ITGA8: variants seen among roughly 807,000 people sequenced by gnomAD.
ITGA8 encodes integrin subunit alpha 8, also known as integrin alpha-8.
Under a neutral mutation model 142.3 loss-of-function variants are expected in ITGA8, and 91 were observed. The ratio of observed to expected loss-of-function variants is 0.64; its 90% CI spans 0.54 to 0.76. The LOEUF (loss-of-function observed/expected upper bound fraction) is 0.76. Among genes scored for constraint, ITGA8 ranks in the 30% least tolerant of loss-of-function variants. The pLI is 0.00. For missense variants in ITGA8, 1,406 were observed against 1,327.7 expected, an observed-to-expected ratio of 1.06 and a Z score of -0.92; for synonymous variants, 505 against 485.2, an observed-to-expected ratio of 1.04 and a Z score of -0.54.
intron 23 of ITGA8, among the ~76,000 whole-genome samples, chr10:15,577,281 T>C (rs1326511210): frequency 3.9e-5 from 6 of 152,156 alleles, no homozygotes; most frequent in Non-Finnish European, 7.4e-5. Context: ...TAGAATCATA[T>C]GTATTTGAAT....
In ITGA8 at chr10:15,531,161, A is replaced by G. The variant is rs776592310; in HGVS notation, c.2881-10T>C. The stretch of plus-strand genomic sequence containing the variant: ...AGGGATCATTTTTTCTCTGAAAGTA[A>G]AAGTATTTATTTAAATATATTTCAT... On this transcript the variant is annotated splice_polypyrimidine_tract_variant and intron_variant, in intron 27 of 29. Transcript: ENST00000378076. 2.2e-6 allele frequency: 3 copies of G among 1,359,032 alleles called. No individual in the cohort carries two copies. Among genetic ancestry groups the G allele is most frequent in the East Asian group, 2.5e-5 (1 of 39,584 alleles). 84.2% of individuals were successfully genotyped at this position (1,359,032 alleles called of 1,614,324 possible).
At chr10:15,524,947 G>T (rs976940181) in intron 28 of ITGA8, among the ~76,000 whole-genome samples, 14 of 152,134 alleles carry the variant, frequency 9.2e-5, no homozygotes, top group Admixed American at 2.6e-4. Flanking sequence ...AAATGTTAGA[G>T]TTTCTCATGA....
chr10:15,672,644 G>T lies in ITGA8; in HGVS notation c.782C>A (p.Ser261Tyr). 1 of 1,613,508 alleles carries T rather than the reference G, an allele frequency of 6.2e-7. No homozygotes were observed. The highest frequency in any genetic ancestry group is 2.2e-5 in the East Asian group (1 of 44,836). ...CTTACCAAGGTAACTGTCATCATAG[G>T]AAGCTGGAGCCACTTCCGTCTGCTT... ...GEKQTEVAPA[S>Y]YDDSYLGYSV... The change falls in exon 7 of 30, where the codon TCC (serine) becomes TAC (tyrosine). Residue 261 changes from serine (S) to tyrosine (Y), a missense_variant. Physicochemically the swap from Ser to Tyr is moderately radical, Grantham distance 144 (BLOSUM62 -2). Coordinates refer to ENST00000378076, the MANE Select transcript of ITGA8 (RefSeq NM_003638.3).
At chr10:15,690,176 C>T (rs539705302) in intron 2 of ITGA8, among the ~76,000 whole-genome samples, 1 of 152,144 alleles carries the variant, frequency 6.6e-6, no homozygotes, top group African/African-American at 2.4e-5. Flanking sequence ...AGGCTCCCCA[C>T]CTCCCTGGGG....
At chr10:15,548,649 A>G in intron 26 of ITGA8, 81 bp from the exon 27 acceptor site, 2 of 822,268 alleles carry the variant, frequency 2.4e-6, no homozygotes, top group Admixed American at 2.7e-5. Flanking sequence ...TTTACATTTC[A>G]TTTCCTCAAA....
chr10:15,611,256 G>A (rs528997709), intron 15 of ITGA8, among the ~76,000 whole-genome samples: 2 of 152,232 alleles, frequency 1.3e-5, no homozygotes, highest in African/African-American at 2.4e-5. Flanking sequence ...TTAACTTTCT[G>A]TCTTCTGAGG....
chr10:15,539,643 C>A (rs1198034399), intron 27 of ITGA8, among the ~76,000 whole-genome samples: 1 of 152,058 alleles, frequency 6.6e-6, no homozygotes, highest in Non-Finnish European at 1.5e-5. Flanking sequence ...GGAAAGGCAG[C>A]CTAATTCTTA....
chr10:15,708,020 C>T lies in ITGA8; in HGVS notation c.343+10746G>A, dbSNP rs1021827636. ...CACCATTCTCTGTCCTCTTGACCTT[C>T]GCTTTCTTTTCTTCCACTTGTCGCT... On this transcript the variant is annotated intron_variant, in intron 2 of 29. Transcript: ENST00000378076. Among the ~76,000 whole-genome samples, 9 of 150,998 alleles carry T rather than the reference C, an allele frequency of 6.0e-5. No homozygotes were observed. In the East Asian group the frequency reaches 1.4e-3, roughly 23 times the overall value.
At chr10:15,675,876 C>T (rs896262446) in intron 6 of ITGA8, among the ~76,000 whole-genome samples, 4 of 152,160 alleles carry the variant, frequency 2.6e-5, no homozygotes, top group African/African-American at 9.6e-5. Context: ...ATTTCTATGT[C>T]TCAGACAAAT....
intron 25 of ITGA8, among the ~76,000 whole-genome samples, chr10:15,564,966 CT>C (rs1446022418): frequency 6.6e-6 from 1 of 152,134 alleles, no homozygotes; most frequent in Non-Finnish European, 1.5e-5. Context: ...TTTTAACCTC[CT>C]GAAAAGTTCA....
intron 13 of ITGA8, among the ~76,000 whole-genome samples, chr10:15,637,257 T>C (rs571412750): frequency 6.6e-6 from 1 of 152,320 alleles, no homozygotes; most frequent in South Asian, 2.1e-4. Context: ...ATTCTGTTCA[T>C]GATCAGCAAA....
At chr10:15,517,703 T>C (rs1328578484) in intron 29 of ITGA8, among the ~76,000 whole-genome samples, 1 of 152,146 alleles carries the variant, frequency 6.6e-6, no homozygotes, top group Non-Finnish European at 1.5e-5. Flanking sequence ...TCGAGCAGAG[T>C]GTTTGTTACT....
intron 6 of ITGA8, among the ~76,000 whole-genome samples, chr10:15,675,566 C>T (rs1257749479): frequency 6.6e-6 from 1 of 152,174 alleles, no homozygotes; most frequent in East Asian, 1.9e-4. Flanking sequence ...TAGTTTATAT[C>T]CTTGTAACAA....
chr10:15,664,143 C>T (rs900076473), intron 8 of ITGA8, among the ~76,000 whole-genome samples: 1 of 152,102 alleles, frequency 6.6e-6, no homozygotes, highest in Non-Finnish European at 1.5e-5. Context: ...GCTCATCATC[C>T]TTATTTTAGG....
chr10:15,701,178 G>A (rs1835157206), intron 2 of ITGA8, among the ~76,000 whole-genome samples: 1 of 152,198 alleles, frequency 6.6e-6, no homozygotes, highest in Admixed American at 6.5e-5. Flanking sequence ...ATGTGTATGT[G>A]TGATTGTGAT....
intron 13 of ITGA8, among the ~76,000 whole-genome samples, chr10:15,625,259 A>T (rs1350829272): frequency 6.6e-6 from 1 of 152,244 alleles, no homozygotes; most frequent in East Asian, 1.9e-4. Flanking sequence ...AAAAAATAAC[A>T]GCAGAATATC....
rs1268515321 is a variant in ITGA8 at position 15,517,095 on chromosome 10, G to A, written c.*63C>T. On this transcript the variant is annotated 3_prime_UTR_variant, in exon 30 of 30. Coordinates refer to ENST00000378076, the MANE Select transcript of ITGA8 (RefSeq NM_003638.3). ...GAAAGCTTTGATTTTTAACCCTCATGTTCTTTCTTTTTCTTTGAACAGGAC... is the reference window on the plus strand; with the variant it reads ...GAAAGCTTTGATTTTTAACCCTCATATTCTTTCTTTTTCTTTGAACAGGAC... The A allele has an allele frequency of 8.0e-7, 1 of 1,244,976 alleles. No individual in the cohort carries two copies. Among genetic ancestry groups the A allele is most frequent in the Non-Finnish European group, 1.1e-6 (1 of 877,516 alleles). The allele number at this position is 1,244,976 out of a possible 1,614,324, so 77.1% of individuals were successfully genotyped here. A position where few individuals can be genotyped will look rare whatever the true frequency, so the allele number is the denominator to read the frequency against.
intron 18 of ITGA8, 62 bp downstream of exon 18, chr10:15,606,223 T>G (rs1833192391): frequency 1.5e-5 from 21 of 1,447,934 alleles, no homozygotes; most frequent in East Asian, 9.2e-5. Flanking sequence ...CTTAAAGCCA[T>G]GAGAACAACA....
At chr10:15,707,163 A>T (rs1220265462) in intron 2 of ITGA8, among the ~76,000 whole-genome samples, 1 of 152,230 alleles carries the variant, frequency 6.6e-6, no homozygotes, top group African/African-American at 2.4e-5. Context: ...AACTGACTAT[A>T]TTAGGCTACG....
Sources: allele counts gnomAD v4.1 joint callset (sites outside exome capture counted in the v4.1 genomes callset), GRCh38; gene constraint gnomAD v4.1.1; transcripts MANE v1.5; gene names NCBI Gene and HGNC (gene_info 2026-07-23, HGNC 2026-07-21).